FKBP3: variants seen among roughly 807,000 people sequenced by gnomAD.
FKBP3 encodes the protein peptidyl-prolyl cis-trans isomerase FKBP3.
FKBP3 carries 21 observed loss-of-function variants against 30.6 expected under a neutral mutation model. The observed-to-expected ratio is 0.69, with a 90% CI of 0.49 to 0.99. FKBP3 has a LOEUF of 0.99. FKBP3 is among the 50% of genes least tolerant of loss of function. FKBP3 has a pLI of 0.00. For missense variants in FKBP3, 283 were observed against 261.6 expected (o/e 1.08, Z -0.56); for synonymous variants, 82 against 91.3 (o/e 0.90, Z 0.58).
At chr14:45,120,232 T>G (rs1408663131) in intron 5 of FKBP3, among the ~76,000 whole-genome samples, 5 of 152,166 alleles carry the variant, frequency 3.3e-5, no homozygotes, top group African/African-American at 9.7e-5. Flanking sequence ...AAAACCTGAT[T>G]CATAGAAGGT....
intron 3 of FKBP3, among the ~76,000 whole-genome samples, chr14:45,122,698 T>C: frequency 6.6e-6 from 1 of 151,778 alleles, no homozygotes; most frequent in East Asian, 2.0e-4. Context: ...AGAGACACGG[T>C]TTCACCATGT....
chr14:45,116,473 G>C (rs527317295), intron 6 of FKBP3, among the ~76,000 whole-genome samples: 1 of 151,140 alleles, frequency 6.6e-6, no homozygotes, highest in African/African-American at 2.4e-5. Flanking sequence ...GCTGGGGGGG[G>C]GTGGAACAAA....
At chr14:45,127,742 T>C (rs1483083023) in intron 3 of FKBP3, among the ~76,000 whole-genome samples, 2 of 152,104 alleles carry the variant, frequency 1.3e-5, no homozygotes, top group South Asian at 2.1e-4. Context: ...GTTTGCAAAG[T>C]ATTGTTTTAG....
At chr14:45,123,317 T>A (rs373286199) in intron 3 of FKBP3, among the ~76,000 whole-genome samples, 1 of 152,148 alleles carries the variant, frequency 6.6e-6, no homozygotes. Flanking sequence ...CTATAAAGAT[T>A]TGAACAAACA....
At chr14:45,118,952 G>A (rs1373504002) in intron 5 of FKBP3, among the ~76,000 whole-genome samples, 2 of 152,120 alleles carry the variant, frequency 1.3e-5, no homozygotes, top group African/African-American at 4.8e-5. Context: ...TGCCTCCCGG[G>A]TTTAACCGAT....
intron 1 of FKBP3, among the ~76,000 whole-genome samples, chr14:45,133,001 T>C (rs2139090592): frequency 6.6e-6 from 1 of 152,352 alleles, no homozygotes; most frequent in South Asian, 2.1e-4. Flanking sequence ...TTTTTCACCC[T>C]TGTACCTCCA....
rs1566701498 is a variant in FKBP3, at chr14:45,115,970, C to G, written c.*228G>C. 1 of 468,824 alleles carries G rather than the reference C, an allele frequency of 2.1e-6. No individual in the cohort carries two copies. The highest frequency in any genetic ancestry group is 3.9e-6 in the Non-Finnish European group (1 of 257,314). 29.0% of individuals were successfully genotyped at this position (468,824 alleles called of 1,614,324 possible). The stretch of plus-strand genomic sequence containing the variant: ...ACATGAGGTAAAAGGAAAAAGTTCT[C>G]CTTGACCAGTATTTTACACAGCTGT... On this transcript the variant is annotated 3_prime_UTR_variant, in exon 7 of 7. Transcript: ENST00000396062.
intron 1 of FKBP3, among the ~76,000 whole-genome samples, chr14:45,132,776 G>A (rs10148861): frequency 1.3e-3 from 199 of 152,150 alleles, no homozygotes; most frequent in African/African-American, 4.7e-3. Flanking sequence ...AAAACATTTT[G>A]ATAATCCAAG....
chr14:45,129,642 A>C, intron 3 of FKBP3, 152 bp downstream of exon 3: 2 of 490,164 alleles, frequency 4.1e-6, no homozygotes. Flanking sequence ...CAGTACACCT[A>C]AGGGAAATGG....
rs572097784 is a variant in FKBP3, at chr14:45,116,984, C to A, written c.621-732G>T. 1.0e-4 allele frequency among the ~76,000 whole-genome samples: 15 copies of A among 150,374 alleles called. No homozygotes were observed. The South Asian group carries it at 2.2e-3, about 22-fold the overall frequency. On this transcript the variant is annotated intron_variant, in intron 6 of 6. Coordinates refer to ENST00000396062, the MANE Select transcript of FKBP3 (RefSeq NM_002013.4). ...CTGACCATTTGATTTCCCCGCCCCC[C>A]CCACCGAGACAGAGCCTCACTCTTT...
chr14:45,119,043 G>A (rs1884921752), intron 5 of FKBP3, among the ~76,000 whole-genome samples: 3 of 151,918 alleles, frequency 2.0e-5, no homozygotes, highest in African/African-American at 7.3e-5. Context: ...AAAATGTTAC[G>A]GCACTAAGAT....
At chr14:45,123,829 A>C (rs921705984) in intron 3 of FKBP3, among the ~76,000 whole-genome samples, 1 of 151,508 alleles carries the variant, frequency 6.6e-6, no homozygotes, top group Non-Finnish European at 1.5e-5. Context: ...CATGTTAGCC[A>C]GGATGGTCTC....
intron 3 of FKBP3, among the ~76,000 whole-genome samples, chr14:45,123,577 A>T (rs1225742051): frequency 1.6e-5 from 2 of 122,792 alleles, no homozygotes; most frequent in African/African-American, 3.2e-5. Context: ...CACTTCTCTA[A>T]CTCTGCTTAA....
intron 3 of FKBP3, among the ~76,000 whole-genome samples, chr14:45,127,113 G>GTTTTTTTTTTTTTTTTTTTTTT: frequency 9.1e-6 from 1 of 110,134 alleles, no homozygotes; most frequent in African/African-American, 5.1e-5. Context: ...GACTGACCCT[G>GTTTTTTTTTTTTTTTTTTTTTT]TCTTTTTTTT....
intron 6 of FKBP3, among the ~76,000 whole-genome samples, chr14:45,116,989 C>T (rs564065304): frequency 6.6e-5 from 10 of 152,054 alleles, no homozygotes; most frequent in South Asian, 6.3e-4. Context: ...CCCCCCCCAC[C>T]GAGACAGAGC....
intron 6 of FKBP3, among the ~76,000 whole-genome samples, chr14:45,116,789 G>A (rs1210958916): frequency 6.6e-6 from 1 of 152,116 alleles, no homozygotes; most frequent in Non-Finnish European, 1.5e-5. Context: ...CCGGGAGGCA[G>A]AGGTTGCAGC....
chr14:45,116,659 C>T (rs1256597308), intron 6 of FKBP3, among the ~76,000 whole-genome samples: 1 of 151,906 alleles, frequency 6.6e-6, no homozygotes, highest in Non-Finnish European at 1.5e-5. Context: ...AGTTTGTGAC[C>T]AGCCTGGCCA....
intron 5 of FKBP3, among the ~76,000 whole-genome samples, chr14:45,118,523 C>CG (rs1459226183): frequency 1.3e-5 from 2 of 151,910 alleles, no homozygotes; most frequent in South Asian, 2.1e-4. Context: ...CCCAGCTACT[C>CG]GGGAGGCTGA....
chr14:45,132,191 A>C (rs1021813275), intron 1 of FKBP3, among the ~76,000 whole-genome samples: 1 of 152,154 alleles, frequency 6.6e-6, no homozygotes, highest in Non-Finnish European at 1.5e-5. Flanking sequence ...TTTCTTTCAA[A>C]GATATGTTCT....
Sources: gnomAD v4.1 joint callset for allele counts (sites outside exome capture counted in the v4.1 genomes callset) on GRCh38, gnomAD v4.1.1 for gene constraint, MANE v1.5 for transcripts, NCBI Gene and HGNC (gene_info 2026-07-23, HGNC 2026-07-21) for gene names.